Variants in CCDC57 observed in about 807,000 individuals in gnomAD.
CCDC57 encodes coiled-coil domain-containing protein 57.
A neutral mutation model predicts 118.9 loss-of-function variants in CCDC57; 118 were observed. The ratio of observed to expected loss-of-function variants is 0.99; its 90% CI spans 0.86 to 1.16. The LOEUF is 1.16. Among genes scored for constraint, CCDC57 ranks in the 50% most tolerant of loss-of-function variants. CCDC57 has a pLI of 0.00. For synonymous variants in CCDC57, 527 were observed against 532.9 expected (o/e 0.99, Z 0.15); for missense variants, 1,300 against 1,320.7 (o/e 0.98, Z 0.24).
chr17:82,180,350 C>T (rs2046050976), intron 9 of CCDC57, among the ~76,000 whole-genome samples: 1 of 152,214 alleles, frequency 6.6e-6, no homozygotes, highest in South Asian at 2.1e-4. Context: ...AGACCCTGAG[C>T]CGGGAATGGC....
intron 16 of CCDC57, among the ~76,000 whole-genome samples, chr17:82,137,915 A>G (rs1001016306): frequency 6.6e-6 from 1 of 151,328 alleles, no homozygotes; most frequent in African/African-American, 2.4e-5. Context: ...CTCGTGATCC[A>G]CCTGCCTCGG....
chr17:82,184,393 G>C (rs2046681979), intron 8 of CCDC57, among the ~76,000 whole-genome samples: 1 of 152,172 alleles, frequency 6.6e-6, no homozygotes, highest in Non-Finnish European at 1.5e-5. Context: ...TTTTCAAGTT[G>C]CATGGTAAAA....
In CCDC57 at chr17:82,181,447, G is replaced by T. The variant is rs113458509; in HGVS notation, c.1212-2258C>A. 4.6e-3 allele frequency among the ~76,000 whole-genome samples: 707 copies of T among 152,296 alleles called. 6 individuals are homozygous for T. Among genetic ancestry groups the T allele is most frequent in the African/African-American group, 0.016 (673 of 41,554 alleles). ...CTGATTTTAAACAAGTCTCAAATGG[G>T]TCAAGCTGCCATGTAAATACTTAAC... On this transcript the variant is annotated intron_variant, in intron 9 of 19. Coordinates refer to ENST00000665763, the Ensembl canonical transcript of CCDC57.
chr17:82,115,003 A>G (rs1344109340), intron 19 of CCDC57, among the ~76,000 whole-genome samples: 2 of 152,266 alleles, frequency 1.3e-5, no homozygotes, highest in Admixed American at 6.5e-5. Flanking sequence ...CCGCAGGGAC[A>G]CCACTGCCCC....
intron 19 of CCDC57, among the ~76,000 whole-genome samples, chr17:82,123,122 C>CTTTTTT (rs34869339): frequency 1.0e-3 from 109 of 105,774 alleles, no homozygotes; most frequent in African/African-American, 3.1e-3. Flanking sequence ...CTCCTAATAA[C>CTTTTTT]TTTTTTTTTT....
Position 82,172,153 on chromosome 17 carries a change from TC to T in CCDC57, c.1730-301del, listed in dbSNP as rs1314121365. Among the ~76,000 whole-genome samples, 1 of 152,242 alleles carries T rather than the reference TC, an allele frequency of 6.6e-6. No homozygotes were observed. The highest frequency in any genetic ancestry group is 2.4e-5 in the African/African-American group (1 of 41,458). On this transcript the variant is annotated intron_variant, in intron 12 of 19. Coordinates refer to ENST00000665763, the Ensembl canonical transcript of CCDC57. The surrounding 1 kb of genome is among the most constrained non-coding windows in gnomAD (Gnocchi z 5.2). ...TCCACCTGCCGCCAGCCCACGTGCC[TC>T]TGTGCAGAGGGGCCAAGTCCCATCT... is the stretch of plus-strand genomic sequence containing the variant.
chr17:82,178,102 G>A (rs1234962419), intron 11 of CCDC57, among the ~76,000 whole-genome samples: 1 of 152,212 alleles, frequency 6.6e-6, no homozygotes, highest in African/African-American at 2.4e-5. Context: ...CATTGGATGA[G>A]TACTTAACTA....
At chr17:82,173,520 C>T (rs899977965) in intron 11 of CCDC57, among the ~76,000 whole-genome samples, 13 of 152,244 alleles carry the variant, frequency 8.5e-5, no homozygotes, top group African/African-American at 2.2e-4. Flanking sequence ...ACAGGAGACG[C>T]GTCTACAACA....
intron 9 of CCDC57, 121 bp from the exon 9 acceptor site, chr17:82,179,310 C>T: frequency 1.8e-6 from 2 of 1,094,526 alleles, no homozygotes; most frequent in Non-Finnish European, 1.3e-6. Context: ...ATGGCCTGCG[C>T]TGGGCTGACA....
intron 19 of CCDC57, among the ~76,000 whole-genome samples, chr17:82,120,571 A>G (rs1419480899): frequency 2.0e-5 from 3 of 152,244 alleles, no homozygotes; most frequent in South Asian, 2.1e-4. Flanking sequence ...GTATTCTTAC[A>G]TGAAGTAAAA....
chr17:82,134,827 TA>T (rs1333547336), intron 16 of CCDC57, among the ~76,000 whole-genome samples: 5 of 152,024 alleles, frequency 3.3e-5, no homozygotes, highest in African/African-American at 1.2e-4. Flanking sequence ...AAAGCTTAAG[TA>T]TAACAACTTA....
chr17:82,151,501 A>G lies in CCDC57; in HGVS notation c.2455+59T>C. On this transcript the variant is annotated intron_variant, in intron 16 of 19. Coordinates refer to ENST00000665763, the Ensembl canonical transcript of CCDC57. ...CAGAACCTGGCGCACACCCAGAACC[A>G]GGTGCACACCCAGAACCTGACCCAC... is the stretch of plus-strand genomic sequence containing the variant. 6.0e-6 allele frequency: 9 copies of G among 1,489,356 alleles called. 1 individual carries two copies. Among genetic ancestry groups the G allele is most frequent in the Non-Finnish European group, 8.2e-6 (9 of 1,100,214 alleles). The allele number at this position is 1,489,356 out of a possible 1,614,324, so 92.3% of individuals were successfully genotyped here. A position where few individuals can be genotyped will look rare whatever the true frequency, so the allele number is the denominator to read the frequency against.
rs1378145401 is a variant in CCDC57, at chr17:82,192,128, G to A, written c.851+1628C>T. On this transcript the variant is annotated intron_variant, in intron 7 of 19. Transcript: ENST00000665763. This position sits in a 1 kb window ranked among gnomAD's most constrained non-coding sequence, Gnocchi z 4.0. ...AGCCTGCCAAGTAGCTGGGATTACA[G>A]GCGTGCACCACCACGCCCGGCTAAT... is the stretch of plus-strand genomic sequence containing the variant. Among the ~76,000 whole-genome samples, 10 of 151,978 alleles carry A rather than the reference G, an allele frequency of 6.6e-5. No individual in the cohort carries two copies. Among genetic ancestry groups the A allele is most frequent in the African/African-American group, 2.4e-4 (10 of 41,360 alleles).
intron 13 of CCDC57, among the ~76,000 whole-genome samples, chr17:82,167,544 T>A (rs923740758): frequency 2.6e-5 from 4 of 151,756 alleles, no homozygotes; most frequent in African/African-American, 9.7e-5. Flanking sequence ...AGAAATGGGG[T>A]TTCTCCACTT....
intron 19 of CCDC57, among the ~76,000 whole-genome samples, chr17:82,105,432 G>A (rs767014666): frequency 2.0e-5 from 3 of 152,162 alleles, no homozygotes; most frequent in Non-Finnish European, 2.9e-5. Flanking sequence ...ACGGCACCCA[G>A]GCCTTTAGTG....
At chr17:82,112,142 T>A (rs539867309) in intron 19 of CCDC57, 1 of 151,802 alleles carries the variant, frequency 6.6e-6, no homozygotes, top group East Asian at 1.9e-4. Context: ...CCTGACTAAT[T>A]TTTGTATTTT....
chr17:82,159,818 C>T (rs954714775), intron 14 of CCDC57, among the ~76,000 whole-genome samples: 1 of 151,954 alleles, frequency 6.6e-6, no homozygotes, highest in East Asian at 1.9e-4. Flanking sequence ...ATTACAGGCA[C>T]GCACCACCAC....
intron 9 of CCDC57, 150 bp downstream of exon 8, chr17:82,183,624 A>G: frequency 2.6e-6 from 2 of 775,268 alleles, no homozygotes; most frequent in African/African-American, 3.5e-5. Context: ...CTGCGTGACC[A>G]GACATTCTAT....
At chr17:82,126,760 A>G (rs1301844367) in intron 19 of CCDC57, 29 of 985,458 alleles carry the variant, frequency 2.9e-5, no homozygotes, top group Non-Finnish European at 3.5e-5. Context: ...TTTCACACAC[A>G]CTGCAGCCTG....
Sources: allele counts gnomAD v4.1 joint callset (sites outside exome capture counted in the v4.1 genomes callset), GRCh38; gene constraint gnomAD v4.1.1; non-coding constraint Gnocchi (gnomAD v3.1); transcripts MANE v1.5; gene names NCBI Gene and HGNC (gene_info 2026-07-23, HGNC 2026-07-21).